Variants in ZNF692 observed in about 807,000 individuals in gnomAD.
ZNF692 encodes the protein AICAR responsive element binding protein.
ZNF692 carries 41 observed loss-of-function variants against 49.0 expected under a neutral mutation model. The observed-to-expected ratio is 0.84, with a 90% CI of 0.65 to 1.08. The LOEUF (loss-of-function observed/expected upper bound fraction) is 1.08, where lower values mean the gene tolerates loss of function less well. Among genes scored for constraint, ZNF692 ranks in the 50% least tolerant of loss-of-function variants. The pLI, the probability that ZNF692 is intolerant of heterozygous loss-of-function variation, is 0.00. For synonymous variants in ZNF692, 288 were observed against 251.5 expected (o/e 1.15, Z -1.37); for missense variants, 662 against 662.2 (o/e 1.00, Z 0.00).
Position 248,850,472 on chromosome 1 carries a change from T to C in ZNF692, c.1298A>G (p.Asn433Ser), listed in dbSNP as rs1659428394. 1 of 1,612,478 alleles carries C rather than the reference T, an allele frequency of 6.2e-7. No homozygotes were observed. The highest frequency in any genetic ancestry group is 1.3e-5 in the African/African-American group (1 of 75,046). Residue 433 changes from asparagine to serine, a missense_variant, in exon 12 of 12, where the codon AAC (asparagine) becomes AGC (serine). By Grantham distance (46) the Asn-to-Ser change is conservative (BLOSUM62 1). Transcript: ENST00000306601. Reference protein sequence around the residue: ...GFTCRQKASLNWHQRKHAETV... With the variant: ...GFTCRQKASLSWHQRKHAETV... ...CTCTGCATGCTTGCGCTGGTGCCAGTTCAGGGAAGCCTTCTGGCGGCAGGT... is the reference window on the plus strand; with the variant it reads ...CTCTGCATGCTTGCGCTGGTGCCAGCTCAGGGAAGCCTTCTGGCGGCAGGT...
rs1268779513 is a variant in ZNF692 at position 248,853,999 on chromosome 1, G to A, written c.1091C>T (p.Pro364Leu). ...IHQKSFSCPE[P>L]ACGKSFNFKK... ...AAAGTTGAAAGACTTCCCACAGGCT[G>A]GCTCTGGGCAGGAGAAAGACTTCTG... Residue 364 changes from proline (P) to leucine (L), a missense_variant, in exon 10 of 12, where the codon CCA becomes CTA. Physicochemically the swap from Pro to Leu is moderately conservative, Grantham distance 98. Coordinates refer to ENST00000306601, the MANE Select transcript of ZNF692 (RefSeq NM_017865.4). 2 of 1,614,212 alleles carry A rather than the reference G, an allele frequency of 1.2e-6. No individual in the cohort carries two copies. The highest frequency in any genetic ancestry group is 8.5e-7 in the Non-Finnish European group (1 of 1,180,028).
In ZNF692 at chr1:248,850,705, G is replaced by T; in HGVS notation, c.1230C>A (p.Ile410=). The change falls in exon 11 of 12, where the codon ATC becomes ATA. Residue 410 remains isoleucine, a synonymous_variant. Transcript: ENST00000306601. ...ACTGCAGGGGTTTTTCTCCAGTGTG[G>T]ATACGTCTGTGGATGACAAGGTTGC... ...TSSNLVIHRR[I]HTGEKPLQCE... is the part of the protein sequence containing the mutation. The T allele has an allele frequency of 6.2e-7, 1 of 1,614,140 alleles. No homozygotes were observed. The highest frequency in any genetic ancestry group is 8.5e-7 in the Non-Finnish European group (1 of 1,180,006).
At position 248,857,917 on chromosome 1, in the gene ZNF692, G is replaced by A. The variant is rs755709620; in HGVS notation, c.180-58C>T. ...AGGTGGCCAGCCACCCTCAGCCCTG[G>A]GCACTCACACATGTAAGGGGCCAGC... On this transcript the variant is annotated intron_variant, in intron 2 of 11. Transcript: ENST00000306601. 1.9e-6 allele frequency: 3 copies of A among 1,603,060 alleles called. No individual in the cohort carries two copies. The South Asian group carries it at 3.3e-5, about 18-fold the overall frequency.
At chr1:248,853,604 A>G (rs1348602565) in intron 10 of ZNF692, among the ~76,000 whole-genome samples, 1 of 151,618 alleles carries the variant, frequency 6.6e-6, no homozygotes, top group Admixed American at 6.6e-5. Context: ...TACAATAGCA[A>G]CTCCTCCTTA....
At chr1:248,853,238 T>C (rs1358477652) in intron 10 of ZNF692, among the ~76,000 whole-genome samples, 1 of 152,232 alleles carries the variant, frequency 6.6e-6, no homozygotes, top group African/African-American at 2.4e-5. Context: ...CCTTGCCCTC[T>C]TGCACATCTC....
chr1:248,852,859 C>G, intron 10 of ZNF692, among the ~76,000 whole-genome samples: 1 of 152,330 alleles, frequency 6.6e-6, no homozygotes, highest in African/African-American at 2.4e-5. Flanking sequence ...CTCACTTCCT[C>G]TATGTAGGGA....
intron 8 of ZNF692, 46 bp downstream of exon 8, chr1:248,855,512 T>C: frequency 6.2e-7 from 1 of 1,613,648 alleles, no homozygotes; most frequent in Non-Finnish European, 8.5e-7. Context: ...CTTCTCTGCC[T>C]CCCTCCTCTC....
In ZNF692 at chr1:248,850,781, T is replaced by C; in HGVS notation, c.1154A>G (p.Asp385Gly). 6.2e-7 allele frequency: 1 copy of C among 1,614,008 alleles called. No homozygotes were observed. Among genetic ancestry groups the C allele is most frequent in the Non-Finnish European group, 8.5e-7 (1 of 1,179,960 alleles). The change falls in exon 11 of 12, where the codon GAC becomes GGC. Residue 385 changes from aspartate to glycine, a missense_variant and splice_region_variant. Physicochemically the swap from Asp to Gly is moderately conservative, Grantham distance 94 (BLOSUM62 -1). Coordinates refer to ENST00000306601, the MANE Select transcript of ZNF692 (RefSeq NM_017865.4). Reference protein sequence around the residue: ...HLKEHMKLHSDTRDYICEFCA... With the variant: ...HLKEHMKLHSGTRDYICEFCA... ...GAACTCACAGATGTAGTCCCGGGTGTCTGCAGGCATATGAGGGACACTCCA... is the reference window on the plus strand; with the variant it reads ...GAACTCACAGATGTAGTCCCGGGTGCCTGCAGGCATATGAGGGACACTCCA...
chr1:248,857,973 G>T, intron 2 of ZNF692, 114 bp from the exon 3 acceptor site: 1 of 1,556,918 alleles, frequency 6.4e-7, no homozygotes, highest in Non-Finnish European at 8.7e-7. Context: ...GAGACCATGA[G>T]GAGGGGAGCA....
In ZNF692 at chr1:248,857,407, C is replaced by T. The variant is rs143513211; in HGVS notation, c.302G>A (p.Arg101Gln). ...CCCCCCATCTTGGCCGCCAGGCCCC[C>T]GAAGCCCGGGCACCAGGCTGCACTC... ...SRECSLVPGL[R>Q]GPGGQDGGLV... is the part of the protein sequence containing the mutation. The change falls in exon 4 of 12, where the codon CGG becomes CAG. Residue 101 changes from arginine to glutamine, a missense_variant. Arg to Gln is a conservative substitution (Grantham distance 43, BLOSUM62 1). Coordinates refer to ENST00000306601, the MANE Select transcript of ZNF692 (RefSeq NM_017865.4). 1.3e-5 allele frequency: 21 copies of T among 1,613,992 alleles called. No individual in the cohort carries two copies. The highest frequency in any genetic ancestry group is 9.9e-5 in the South Asian group (9 of 91,086).
At chr1:248,856,665 T>C (rs559706295) in intron 4 of ZNF692, 103 bp from the exon 5 acceptor site, 1 of 1,425,584 alleles carries the variant, frequency 7.0e-7, no homozygotes, top group Non-Finnish European at 9.8e-7. Flanking sequence ...TCTTTTTTTT[T>C]TAAATAGAGA....
chr1:248,858,311 TGCACCAGAGGCTG>T lies in ZNF692; in HGVS notation c.-12-3_-3del, dbSNP rs764394260. On this transcript the variant is annotated splice_acceptor_variant and splice_polypyrimidine_tract_variant and 5_prime_UTR_variant and intron_variant, in exon 2 of 12. Coordinates refer to ENST00000306601, the MANE Select transcript of ZNF692 (RefSeq NM_017865.4). LOFTEE classifies it low-confidence loss of function (5UTR_SPLICE). The surrounding 1 kb of genome is among the most constrained non-coding windows in gnomAD (Gnocchi z 4.3). ...GTCCACCGCCGGGGAGGAAGCCATG[TGCACCAGAGGCTG>T]GAGGGTGGAAGGGACGTCTTCAGCG... is the stretch of plus-strand genomic sequence containing the variant. The T allele has an allele frequency of 5.8e-6, 9 of 1,558,144 alleles. No homozygotes were observed. Among genetic ancestry groups the T allele is most frequent in the Admixed American group, 3.7e-5 (2 of 54,480 alleles).
In ZNF692 at chr1:248,850,358, TGAC is replaced by T; in HGVS notation, c.1409_1411del (p.Ser470_His471delinsAsn). 6.2e-7 allele frequency: 1 copy of T among 1,614,012 alleles called. No individual in the cohort carries two copies. The highest frequency in any genetic ancestry group is 1.1e-5 in the South Asian group (1 of 91,072). On this transcript the variant is annotated inframe_deletion, in exon 12 of 12. Transcript: ENST00000306601. The stretch of plus-strand genomic sequence containing the variant: ...TTGAGGGGCTAGAAGCAGGGCTGGG[TGAC>T]TTTTGCTACGGTGGGCTGCAACACT...
At chr1:248,852,050 C>A (rs921722821) in intron 10 of ZNF692, among the ~76,000 whole-genome samples, 4 of 152,222 alleles carry the variant, frequency 2.6e-5, no homozygotes, top group Non-Finnish European at 5.9e-5. Context: ...ATAGACACAA[C>A]TTTTGGTCTG....
chr1:248,856,251 C>T (rs202135201), intron 6 of ZNF692, 37 bp downstream of exon 6: 1 of 1,551,308 alleles, frequency 6.4e-7, no homozygotes, highest in Non-Finnish European at 8.7e-7. Flanking sequence ...CTGCCTCCCT[C>T]TCTTGCTCTG....
rs763683260 is a variant in ZNF692 at position 248,854,086 on chromosome 1, G to A, written c.1039-35C>T. On this transcript the variant is annotated intron_variant, in intron 9 of 11. Coordinates refer to ENST00000306601, the MANE Select transcript of ZNF692 (RefSeq NM_017865.4). ...GAAGTGGGTGGTAGGGAGAGAAGAG[G>A]CAAAAGGATAGCCACCTTCCACGGA... 23 of 1,531,170 alleles carry A rather than the reference G, an allele frequency of 1.5e-5. No homozygotes were observed. The African/African-American group carries it at 3.1e-4, about 21-fold the overall frequency. 94.8% of individuals were successfully genotyped at this position (1,531,170 alleles called of 1,614,324 possible).
intron 6 of ZNF692, 157 bp downstream of exon 6, chr1:248,856,131 C>T (rs13313010): frequency 0.073 from 95,228 of 1,310,300 alleles, 7,064 homozygotes; most frequent in African/African-American, 0.31. Flanking sequence ...CCCTTTTCAC[C>T]CCCTCAGTTC....
chr1:248,851,793 A>G (rs1659631271), intron 10 of ZNF692, among the ~76,000 whole-genome samples: 1 of 152,146 alleles, frequency 6.6e-6, no homozygotes, highest in African/African-American at 2.4e-5. Flanking sequence ...GTGGGTTAGG[A>G]GGAGAAAAAA....
At position 248,850,106 on chromosome 1, in the gene ZNF692, T is replaced by G; in HGVS notation, c.*104A>C. 7.4e-7 allele frequency: 1 copy of G among 1,345,252 alleles called. No homozygotes were observed. Among genetic ancestry groups the G allele is most frequent in the Non-Finnish European group, 1.0e-6 (1 of 1,001,362 alleles). The allele number at this position is 1,345,252 out of a possible 1,614,324, so 83.3% of individuals were successfully genotyped here. A position where few individuals can be genotyped will look rare whatever the true frequency, so the allele number is the denominator to read the frequency against. On this transcript the variant is annotated 3_prime_UTR_variant, in exon 12 of 12. Transcript: ENST00000306601. ...CCCACCCTGCACTCTGTCGCCTTAG[T>G]TCCTGGGGACCAAGCATCTGGCATT...
Sources: allele counts gnomAD v4.1 joint callset (sites outside exome capture counted in the v4.1 genomes callset), GRCh38; gene constraint gnomAD v4.1.1; non-coding constraint Gnocchi (gnomAD v3.1); transcripts MANE v1.5; gene names NCBI Gene and HGNC (gene_info 2026-07-23, HGNC 2026-07-21).